The following PCDHA6 variants were observed in gnomAD, a reference collection of about 807,000 sequenced individuals.
The protein encoded by PCDHA6 is protocadherin alpha-6.
In PCDHA6, 55 loss-of-function variants were observed where a neutral mutation model predicts 60.3. That is an observed-to-expected ratio of 0.91 (90% CI 0.73 to 1.14). The LOEUF (loss-of-function observed/expected upper bound fraction) is 1.14, where lower values mean the gene tolerates loss of function less well. Ranked by LOEUF, PCDHA6 falls within the 50% of genes most tolerant of loss-of-function variation. PCDHA6 has a pLI of 0.00. For synonymous variants in PCDHA6, 652 were observed against 557.9 expected (o/e 1.17, Z -2.38); for missense variants, 1,327 against 1,256.5 (o/e 1.06, Z -0.85).
chr5:140,906,644 T>C (rs1167181721), intron 1 of PCDHA6, among the ~76,000 whole-genome samples: 3 of 152,232 alleles, frequency 2.0e-5, no homozygotes, highest in Admixed American at 6.5e-5. Flanking sequence ...CAGCAGGTAG[T>C]GGTTTTTTCC....
At chr5:140,870,122 T>G in intron 1 of PCDHA6, 1 of 1,613,956 alleles carries the variant, frequency 6.2e-7, no homozygotes. Flanking sequence ...GTGGAAATCT[T>G]GGACACCAAC....
intron 1 of PCDHA6, among the ~76,000 whole-genome samples, chr5:140,946,079 G>A (rs2093884371): frequency 6.6e-6 from 1 of 151,926 alleles, no homozygotes; most frequent in African/African-American, 2.4e-5. Context: ...GCAAACCACA[G>A]ATCTGATAAG....
rs78042832 is a variant in PCDHA6, at chr5:140,978,370, A to G, written c.2395-579A>G. Among the ~76,000 whole-genome samples, 198 of 152,318 alleles carry G rather than the reference A, an allele frequency of 1.3e-3. 1 individual carries two copies. The East Asian group carries it at 0.027, about 21-fold the overall frequency. On this transcript the variant is annotated intron_variant, in intron 1 of 3. Transcript: ENST00000529310. ...TAGCAAAACAAGGTCAAACTCTGCA[A>G]TAGTTTGTTTTCCTCTCCCTAGTAT...
intron 1 of PCDHA6, chr5:140,928,025 G>T: frequency 6.2e-7 from 1 of 1,614,148 alleles, no homozygotes; most frequent in South Asian, 1.1e-5. Flanking sequence ...GTCATTTGTG[G>T]CATGTCTAGT....
chr5:140,838,676 C>G (rs1236293841), intron 1 of PCDHA6, among the ~76,000 whole-genome samples: 2 of 151,972 alleles, frequency 1.3e-5, no homozygotes, highest in African/African-American at 2.4e-5. Context: ...TGGCACACAC[C>G]TTTAACCCCA....
chr5:140,860,639 G>A (rs2046488038), intron 1 of PCDHA6: 1 of 152,224 alleles, frequency 6.6e-6, no homozygotes, highest in Non-Finnish European at 1.5e-5. Flanking sequence ...AATCAGGAAC[G>A]AAGAAGATAA....
chr5:140,841,513 C>G (rs2150316967), intron 1 of PCDHA6: 142,793 of 1,613,040 alleles, frequency 0.089, 1,768 homozygotes, highest in Non-Finnish European at 0.097. Flanking sequence ...CGCGCCTGTT[C>G]CGGGTGGCGT....
At chr5:140,883,774 T>C (rs782252577) in intron 1 of PCDHA6, 10 of 1,612,152 alleles carry the variant, frequency 6.2e-6, no homozygotes, top group South Asian at 5.5e-5. Flanking sequence ...TGGGCGAGCG[T>C]GCGCTGTCGA....
chr5:140,868,989 C>A (rs1280457697), intron 1 of PCDHA6: 91 of 1,506,736 alleles, frequency 6.0e-5, no homozygotes, highest in Non-Finnish European at 7.5e-5. Context: ...CGGATGCCAC[C>A]GTTTAAGGAT....
chr5:140,899,056 G>C (rs1370417194), intron 1 of PCDHA6, among the ~76,000 whole-genome samples: 14 of 152,060 alleles, frequency 9.2e-5, no homozygotes, highest in Non-Finnish European at 2.9e-5. Flanking sequence ...CTGAGACTTT[G>C]CTGAAGTTGC....
chr5:140,967,226 C>T, intron 1 of PCDHA6: 1 of 1,613,746 alleles, frequency 6.2e-7, no homozygotes, highest in Non-Finnish European at 8.5e-7. Flanking sequence ...GCCCAACTAC[C>T]AGCTTCAGGT....
At chr5:140,849,740 C>T (rs2150447488) in intron 1 of PCDHA6, 1 of 1,598,420 alleles carries the variant, frequency 6.3e-7, no homozygotes, top group East Asian at 2.2e-5. Flanking sequence ...CTCTGGACCG[C>T]GAGAGTGTGT....
rs2150182340 is a variant in PCDHA6, at chr5:140,830,165, G to A, written c.2074G>A (p.Ala692Thr). 43 of 1,613,446 alleles carry A rather than the reference G, an allele frequency of 2.7e-5. 1 individual carries two copies. The South Asian group carries it at 4.5e-4, about 17-fold the overall frequency. ...GGTGGGCGCCGCGGGCCCAGAGGCG[G>A]CGCTGGTGGATGTCAACGTGTACCT... Reference protein sequence around the residue: ...ASVGAAGPEAALVDVNVYLII... With the variant: ...ASVGAAGPEATLVDVNVYLII... The change falls in exon 1 of 4, where the codon GCG becomes ACG. Residue 692 changes from alanine to threonine, a missense_variant. Transcript: ENST00000529310.
intron 3 of PCDHA6, among the ~76,000 whole-genome samples, chr5:140,990,141 C>A (rs2097376222): frequency 6.6e-6 from 1 of 151,818 alleles, no homozygotes; most frequent in African/African-American, 2.4e-5. Flanking sequence ...ACTCAAGAGG[C>A]ATAATAATAG....
chr5:140,986,638 G>A (rs185773882), intron 3 of PCDHA6, among the ~76,000 whole-genome samples: 18 of 152,282 alleles, frequency 1.2e-4, no homozygotes, highest in Non-Finnish European at 2.6e-4. Flanking sequence ...CAGTACATTA[G>A]TTTTAGAGTG....
chr5:140,874,970 G>T (rs186825854), intron 1 of PCDHA6, among the ~76,000 whole-genome samples: 6 of 152,162 alleles, frequency 3.9e-5, no homozygotes, highest in Non-Finnish European at 7.4e-5. Flanking sequence ...AAGGGGAGGG[G>T]TGCTGTATAT....
At chr5:141,005,442 G>A (rs529691807) in intron 3 of PCDHA6, among the ~76,000 whole-genome samples, 39 of 152,092 alleles carry the variant, frequency 2.6e-4, no homozygotes, top group Middle Eastern at 3.4e-3. Context: ...AGAGGCTCAC[G>A]CCTGTAATCC....
chr5:140,845,803 T>C (rs1319133517), intron 1 of PCDHA6, among the ~76,000 whole-genome samples: 3 of 149,694 alleles, frequency 2.0e-5, no homozygotes, highest in Non-Finnish European at 4.5e-5. Flanking sequence ...TGGCAAGTGA[T>C]AGGTACATAA....
chr5:140,912,532 G>T (rs1554195398), intron 1 of PCDHA6, among the ~76,000 whole-genome samples: 1 of 152,092 alleles, frequency 6.6e-6, no homozygotes, highest in African/African-American at 2.4e-5. Flanking sequence ...CAGAGTACAT[G>T]ATCATATTGT....
Sources: gnomAD v4.1 joint callset for allele counts (sites outside exome capture counted in the v4.1 genomes callset) on GRCh38, gnomAD v4.1.1 for gene constraint, MANE v1.5 for transcripts, NCBI Gene and HGNC (gene_info 2026-07-23, HGNC 2026-07-21) for gene names.